Variants in TAL1 observed in about 807,000 individuals in gnomAD.
TAL1 encodes TAL bHLH transcription factor 1, erythroid differentiation factor.
TAL1 carries 8 observed loss-of-function variants against 17.9 expected under a neutral mutation model. That is an observed-to-expected ratio of 0.45 (90% CI 0.26 to 0.81). The LOEUF is 0.81. TAL1 is among the 30% of genes least tolerant of loss of function. TAL1 has a pLI of 0.17. For missense variants in TAL1, 466 were observed against 486.9 expected, an observed-to-expected ratio of 0.96 and a Z score of 0.40; for synonymous variants, 223 against 218.6, an observed-to-expected ratio of 1.02 and a Z score of -0.18.
intron 3 of TAL1, among the ~76,000 whole-genome samples, chr1:47,221,842 TTC>T (rs1009960526): frequency 6.6e-6 from 1 of 152,090 alleles, no homozygotes; most frequent in Non-Finnish European, 1.5e-5. Context: ...GATCATCTCT[TTC>T]TCTCTCCTAC....
chr1:47,225,624 G>A, exon 2 of TAL1: 1 of 1,382,130 alleles, frequency 7.2e-7, no homozygotes. Context: ...TCGGTGGTGG[G>A]CACCCGATGG....
upstream of TAL1, chr1:47,231,244 C>A (rs544359783): frequency 1.8e-3 from 341 of 185,444 alleles, 3 homozygotes; most frequent in African/African-American, 7.5e-3. Flanking sequence ...CCACCCAAGC[C>A]AACAACTGGC....
chr1:47,224,094 A>C (rs200970768), exon 3 of TAL1: 1 of 1,613,618 alleles, frequency 6.2e-7, no homozygotes, highest in Admixed American at 1.7e-5. Context: ...TCCCCAAAGA[A>C]CCCGCTGTGG....
chr1:47,225,474 T>C (rs1643892627), exon 2 of TAL1: 2 of 1,234,644 alleles, frequency 1.6e-6, no homozygotes, highest in Non-Finnish European at 2.0e-6. Context: ...TGGCTGAGGC[T>C]GTAGAGCAGC....
chr1:47,230,776 A>G (rs1388304678), upstream of TAL1: 1 of 152,236 alleles, frequency 6.6e-6, no homozygotes, highest in East Asian at 1.9e-4. Context: ...TGGCATTAGC[A>G]ATTACAATAA....
intron 1 of TAL1, among the ~76,000 whole-genome samples, chr1:47,226,565 T>TGTCTGTCTACACTGAGCAAG (rs1553165226): frequency 1.3e-5 from 2 of 151,108 alleles, no homozygotes; most frequent in Non-Finnish European, 1.5e-5. Context: ...CGCTGGGGAG[T>TGTCTGTCTACACTGAGCAAG]GAGGGAGTGT....
At chr1:47,221,653 C>CTAG (rs1643809980) in intron 3 of TAL1, among the ~76,000 whole-genome samples, 1 of 152,190 alleles carries the variant, frequency 6.6e-6, no homozygotes, top group Non-Finnish European at 1.5e-5. Flanking sequence ...TTTCCCTCTT[C>CTAG]TAGTAACCCC....
chr1:47,219,885 T>TG lies in TAL1; in HGVS notation c.830dup (p.Asp278ArgfsTer2). 1 of 1,575,098 alleles carries TG rather than the reference T, an allele frequency of 6.3e-7. No homozygotes were observed. The highest frequency in any genetic ancestry group is 8.6e-7 in the Non-Finnish European group (1 of 1,159,902). ...AAAGCACGTCTTGCAGGAGGTCATC[T>TG]GGGGGCGCGCCGCCCCCTCCCCCAC... is the stretch of plus-strand genomic sequence containing the variant. On this transcript the variant is annotated frameshift_variant, in exon 4 of 4. Transcript: ENST00000294339. LOFTEE classifies it high-confidence loss of function.
At chr1:47,224,170 C>A (rs34087210) in intron 2 of TAL1, 72 bp from the exon 4 acceptor site, 57 of 1,490,214 alleles carry the variant, frequency 3.8e-5, no homozygotes, top group Non-Finnish European at 2.5e-5. Context: ...CTTAGGGATC[C>A]TCCCCACATG....
In TAL1 at chr1:47,218,566, A is replaced by G. The variant is rs115897516; in HGVS notation, c.*1154T>C. On this transcript the variant is annotated 3_prime_UTR_variant, in exon 4 of 4. Transcript: ENST00000294339. ...TTAAGGTTCTGCTAAGTGAATGTGC[A>G]TATGTTTGGGTCTTAGCCAGGGCCT... 812 of 233,026 alleles carry G rather than the reference A, an allele frequency of 3.5e-3. 6 individuals carry two copies. The highest frequency in any genetic ancestry group is 0.016 in the African/African-American group (740 of 45,436). The allele number at this position is 233,026 out of a possible 1,614,324, so 14.4% of individuals were successfully genotyped here.
At chr1:47,217,774 T>C in exon 4 of TAL1, 1 of 398,624 alleles carries the variant, frequency 2.5e-6, no homozygotes, top group Non-Finnish European at 4.4e-6. Context: ...TTCTCATTCC[T>C]AACTCAAGCG....
At chr1:47,231,263 ACAT>A (rs1180029539), upstream of TAL1, 2 of 190,446 alleles carry the variant, frequency 1.1e-5, no homozygotes, top group African/African-American at 4.7e-5. Flanking sequence ...GCTCCCGAAT[ACAT>A]CATAATTTGG....
intron 3 of TAL1, chr1:47,223,431 G>A (rs1229133429): frequency 6.6e-6 from 1 of 152,554 alleles, no homozygotes; most frequent in East Asian, 1.9e-4. Flanking sequence ...CAGGGGGCAA[G>A]GTAGAATCCA....
Position 47,223,998 on chromosome 1 carries a change from A to G in TAL1, c.541+6T>C. 6.2e-7 allele frequency: 1 copy of G among 1,613,268 alleles called. No homozygotes were observed. Among genetic ancestry groups the G allele is most frequent in the African/African-American group, 1.3e-5 (1 of 74,922 alleles). On this transcript the variant is annotated splice_donor_region_variant and intron_variant, in intron 3 of 3. Transcript: ENST00000294339. ...CAGGTACAACGGTGGGGTGGGGCAGACTCACCATCAGTAATCTCCATCTCA... is the reference window on the plus strand; with the variant it reads ...CAGGTACAACGGTGGGGTGGGGCAGGCTCACCATCAGTAATCTCCATCTCA...
chr1:47,231,918 T>C (rs1478450750), upstream of TAL1, among the ~76,000 whole-genome samples: 1 of 151,958 alleles, frequency 6.6e-6, no homozygotes, highest in Non-Finnish European at 1.5e-5. Context: ...CGCGCATTTC[T>C]GTATATTGCG....
intron 3 of TAL1, among the ~76,000 whole-genome samples, chr1:47,221,905 T>C (rs1303591068): frequency 1.3e-5 from 2 of 152,098 alleles, no homozygotes; most frequent in Non-Finnish European, 2.9e-5. Flanking sequence ...ACACACACTT[T>C]TAATGGGAAG....
chr1:47,220,254 T>G, intron 3 of TAL1, 80 bp from the exon 5 acceptor site: 1 of 1,427,696 alleles, frequency 7.0e-7, no homozygotes, highest in Non-Finnish European at 9.2e-7. Context: ...TTGGGAAACT[T>G]GGGAAGCCTA....
At chr1:47,226,130 T>A in intron 1 of TAL1, 1 of 476,836 alleles carries the variant, frequency 2.1e-6, no homozygotes, top group Non-Finnish European at 3.7e-6. Context: ...ACACAGAGAC[T>A]GAGGGCCAAA....
intron 3 of TAL1, among the ~76,000 whole-genome samples, chr1:47,221,427 T>G (rs1307098847): frequency 6.6e-6 from 1 of 152,156 alleles, no homozygotes; most frequent in South Asian, 2.1e-4. Flanking sequence ...CCAGCACACA[T>G]GTCTAGGGCA....
Sources: allele counts gnomAD v4.1 joint callset (sites outside exome capture counted in the v4.1 genomes callset), GRCh38; gene constraint gnomAD v4.1.1; transcripts MANE v1.5; gene names NCBI Gene and HGNC (gene_info 2026-07-23, HGNC 2026-07-21).